Variants in PCDHGB3 observed in about 807,000 individuals in gnomAD.
PCDHGB3 encodes protocadherin gamma-B3.
Under a neutral mutation model 59.2 loss-of-function variants are expected in PCDHGB3, and 40 were observed. The ratio of observed to expected loss-of-function variants is 0.68; its 90% CI spans 0.52 to 0.88. The LOEUF (loss-of-function observed/expected upper bound fraction) is 0.88, where lower values mean the gene tolerates loss of function less well. Ranked by LOEUF, PCDHGB3 falls within the 40% of genes least tolerant of loss-of-function variation. The probability of loss-of-function intolerance (pLI) is 0.00; values close to 1 mark genes in which losing one functional copy is unlikely to be tolerated. For synonymous variants in PCDHGB3, 581 were observed against 503.6 expected (o/e 1.15, Z -2.06); for missense variants, 1,309 against 1,187.9 (o/e 1.10, Z -1.50).
At chr5:141,470,236 T>C (rs1232874196) in intron 1 of PCDHGB3, among the ~76,000 whole-genome samples, 1 of 152,210 alleles carries the variant, frequency 6.6e-6, no homozygotes, top group African/African-American at 2.4e-5. Context: ...ACCAAACCCT[T>C]GAATGTCCCA....
rs759220286 is a variant in PCDHGB3 at position 141,490,018 on chromosome 5, C to G, written c.2416-4789C>G. The G allele has an allele frequency of 6.2e-7, 1 of 1,614,252 alleles. No individual in the cohort carries two copies. Among genetic ancestry groups the G allele is most frequent in the Non-Finnish European group, 8.5e-7 (1 of 1,180,038 alleles). ...CCCAGAGAATGCACCCATTGGTACTCTGCTGCTCCGCCTCAATGCCACTGA... is the reference window on the plus strand; with the variant it reads ...CCCAGAGAATGCACCCATTGGTACTGTGCTGCTCCGCCTCAATGCCACTGA... On this transcript the variant is annotated intron_variant, in intron 1 of 3. Transcript: ENST00000576222. This position sits in a 1 kb window ranked among gnomAD's most constrained non-coding sequence, Gnocchi z 5.4.
intron 1 of PCDHGB3, chr5:141,418,422 G>A: frequency 6.2e-7 from 1 of 1,613,996 alleles, no homozygotes; most frequent in East Asian, 2.2e-5. Context: ...AATCCTGATG[G>A]TGGCAAATAT....
At chr5:141,392,770 T>G in intron 1 of PCDHGB3, 1 of 1,511,750 alleles carries the variant, frequency 6.6e-7, no homozygotes, top group South Asian at 1.3e-5. Flanking sequence ...AAGACCCATT[T>G]ATGCACAGTG....
chr5:141,432,463 C>A lies in PCDHGB3; in HGVS notation c.2415+59654C>A, dbSNP rs781407406. On this transcript the variant is annotated intron_variant, in intron 1 of 3. Transcript: ENST00000576222. The surrounding 1 kb of genome is among the most constrained non-coding windows in gnomAD (Gnocchi z 6.0). Reference sequence around the variant, plus strand: ...CCGAGATCCTGTACCCCGCCCTCCCCACGGACGGTTCCACTGGCGTGGAGC... The same window carrying A: ...CCGAGATCCTGTACCCCGCCCTCCCAACGGACGGTTCCACTGGCGTGGAGC... The A allele has an allele frequency of 5.6e-6, 9 of 1,614,120 alleles. No homozygotes were observed. In the Admixed American group the frequency reaches 1.3e-4, roughly 24 times the overall value.
chr5:141,444,151 G>T (rs1031944414), intron 1 of PCDHGB3, among the ~76,000 whole-genome samples: 1 of 92,746 alleles, frequency 1.1e-5, no homozygotes, highest in Non-Finnish European at 2.1e-5. Flanking sequence ...GTGTGTACTG[G>T]ATTTTTTTTT....
rs1223618064 is a variant in PCDHGB3 at position 141,512,867 on chromosome 5, C to T, written c.*1694C>T. On this transcript the variant is annotated 3_prime_UTR_variant, in exon 4 of 4. Transcript: ENST00000576222. The stretch of plus-strand genomic sequence containing the variant: ...ATAAGCGCTTCTCTTCGCATAGTCA[C>T]GTAGCTCCCACCCCACCCTCTTCCT... 1 of 152,184 alleles carries T rather than the reference C, an allele frequency of 6.6e-6. No homozygotes were observed. The highest frequency in any genetic ancestry group is 1.5e-5 in the Non-Finnish European group (1 of 68,056). The allele number at this position is 152,184 out of a possible 1,614,324, so 9.4% of individuals were successfully genotyped here. A position where few individuals can be genotyped will look rare whatever the true frequency, so the allele number is the denominator to read the frequency against.
At position 141,477,372 on chromosome 5, in the gene PCDHGB3, CTG is replaced by C; in HGVS notation, c.2416-17432_2416-17431del. On this transcript the variant is annotated intron_variant, in intron 1 of 3. Transcript: ENST00000576222. This position sits in a 1 kb window ranked among gnomAD's most constrained non-coding sequence, Gnocchi z 4.9. ...ACCAGTGCAGACCTGGATCGGGAGA[CTG>C]TGCCAGAATACAACCTCAGCATCAC... The C allele has an allele frequency of 6.2e-7, 1 of 1,614,154 alleles. No homozygotes were observed. The highest frequency in any genetic ancestry group is 8.5e-7 in the Non-Finnish European group (1 of 1,180,030).
At position 141,432,942 on chromosome 5, in the gene PCDHGB3, C is replaced by G. The variant is rs1346694514; in HGVS notation, c.2415+60133C>G. ...CACAAGTCACGCCTGCTGCAGGCTT[C>G]AGGAGGCGGCTTGACAGGAGCGCCG... On this transcript the variant is annotated intron_variant, in intron 1 of 3. Coordinates refer to ENST00000576222, the MANE Select transcript of PCDHGB3 (RefSeq NM_018924.5). The surrounding 1 kb of genome is among the most constrained non-coding windows in gnomAD (Gnocchi z 6.0). The G allele has an allele frequency of 1.2e-6, 2 of 1,614,190 alleles. No individual in the cohort carries two copies. Among genetic ancestry groups the G allele is most frequent in the Non-Finnish European group, 1.7e-6 (2 of 1,180,036 alleles).
intron 1 of PCDHGB3, among the ~76,000 whole-genome samples, chr5:141,483,218 A>G (rs2099578440): frequency 6.6e-6 from 1 of 152,188 alleles, no homozygotes; most frequent in Admixed American, 6.5e-5. Flanking sequence ...GATGACAGTC[A>G]CTGCAGAAAT....
chr5:141,472,865 A>G (rs1329594490), intron 1 of PCDHGB3, among the ~76,000 whole-genome samples: 3 of 149,558 alleles, frequency 2.0e-5, no homozygotes, highest in Non-Finnish European at 4.5e-5. Flanking sequence ...ACATGCCTGT[A>G]TTCCCAGCTA....
In PCDHGB3 at chr5:141,445,206, A is replaced by G. The variant is rs1244524491; in HGVS notation, c.2416-49601A>G. On this transcript the variant is annotated intron_variant, in intron 1 of 3. Transcript: ENST00000576222. ...TTTTTATGTATTCTATATGCTTTTGAAAAGTAAGAGGTGCAAAGTGCTCTA... is the reference window on the plus strand; with the variant it reads ...TTTTTATGTATTCTATATGCTTTTGGAAAGTAAGAGGTGCAAAGTGCTCTA... 3.3e-5 allele frequency among the ~76,000 whole-genome samples: 5 copies of G among 152,182 alleles called. No individual in the cohort carries two copies. The East Asian group carries it at 7.7e-4, about 23-fold the overall frequency.
At chr5:141,402,930 G>A (rs1260331134) in intron 1 of PCDHGB3, 1 of 1,584,094 alleles carries the variant, frequency 6.3e-7, no homozygotes, top group Non-Finnish European at 8.6e-7. Flanking sequence ...ATCCTTTTGA[G>A]AAAATTCCAA....
At position 141,477,781 on chromosome 5, in the gene PCDHGB3, A is replaced by G; in HGVS notation, c.2416-17026A>G. 6.2e-7 allele frequency: 1 copy of G among 1,614,036 alleles called. No homozygotes were observed. Among genetic ancestry groups the G allele is most frequent in the South Asian group, 1.1e-5 (1 of 91,090 alleles). Reference sequence around the variant, plus strand: ...TAGCCACCAACATCAGCGTGAACATATTTGTCACTGATCGCAATGACAATG... The same window carrying G: ...TAGCCACCAACATCAGCGTGAACATGTTTGTCACTGATCGCAATGACAATG... On this transcript the variant is annotated intron_variant, in intron 1 of 3. Coordinates refer to ENST00000576222, the MANE Select transcript of PCDHGB3 (RefSeq NM_018924.5). The surrounding 1 kb of genome is among the most constrained non-coding windows in gnomAD (Gnocchi z 4.9).
intron 1 of PCDHGB3, among the ~76,000 whole-genome samples, chr5:141,380,915 G>A (rs1452983675): frequency 6.6e-6 from 1 of 152,180 alleles, no homozygotes. Context: ...TGCTTACATT[G>A]TTTAATAATC....
chr5:141,409,231 C>T (rs756486864), intron 1 of PCDHGB3: 7 of 1,613,926 alleles, frequency 4.3e-6, no homozygotes, highest in Admixed American at 3.3e-5. Flanking sequence ...AAAACGACAA[C>T]AGCCCAGAAA....
At position 141,431,031 on chromosome 5, in the gene PCDHGB3, A is replaced by C; in HGVS notation, c.2415+58222A>C. Reference sequence around the variant, plus strand: ...AGCTTGGTCACGGCGGGCAGGATAGACCGGGAGGAGCTCTGTATGGGGGCC... The same window carrying C: ...AGCTTGGTCACGGCGGGCAGGATAGCCCGGGAGGAGCTCTGTATGGGGGCC... On this transcript the variant is annotated intron_variant, in intron 1 of 3. Coordinates refer to ENST00000576222, the MANE Select transcript of PCDHGB3 (RefSeq NM_018924.5). This position sits in a 1 kb window ranked among gnomAD's most constrained non-coding sequence, Gnocchi z 4.8. 1 of 1,614,036 alleles carries C rather than the reference A, an allele frequency of 6.2e-7. No homozygotes were observed. The highest frequency in any genetic ancestry group is 8.5e-7 in the Non-Finnish European group (1 of 1,180,000).
intron 1 of PCDHGB3, among the ~76,000 whole-genome samples, chr5:141,465,159 A>C (rs1333891587): frequency 6.6e-6 from 1 of 151,952 alleles, no homozygotes; most frequent in East Asian, 1.9e-4. Flanking sequence ...AGGGACTCTA[A>C]ATGTTTATGA....
At chr5:141,503,309 A>G (rs2099819130) in intron 2 of PCDHGB3, among the ~76,000 whole-genome samples, 1 of 152,034 alleles carries the variant, frequency 6.6e-6, no homozygotes, top group Non-Finnish European at 1.5e-5. Flanking sequence ...TCAAGAAAGA[A>G]TTGTTGGAGG....
chr5:141,462,414 T>C (rs549473269), intron 1 of PCDHGB3, among the ~76,000 whole-genome samples: 1 of 152,360 alleles, frequency 6.6e-6, no homozygotes, highest in Non-Finnish European at 1.5e-5. Flanking sequence ...CAGAATATGG[T>C]CTATCTTGGT....
Sources: allele counts gnomAD v4.1 joint callset (sites outside exome capture counted in the v4.1 genomes callset), GRCh38; gene constraint gnomAD v4.1.1; non-coding constraint Gnocchi (gnomAD v3.1); transcripts MANE v1.5; gene names NCBI Gene and HGNC (gene_info 2026-07-23, HGNC 2026-07-21).